Variants in BDKRB2 observed in about 807,000 individuals in gnomAD.
BDKRB2 encodes bradykinin receptor B2, also known as B2 bradykinin receptor.
In BDKRB2, 6 loss-of-function variants were observed where a neutral mutation model predicts 4.0. That is an observed-to-expected ratio of 1.49 (90% CI 0.81 to 2.93). BDKRB2 has a LOEUF of 2.93. BDKRB2 is among the 30% of genes most tolerant of loss of function. The probability of loss-of-function intolerance (pLI) is 0.00; values close to 1 mark genes in which losing one functional copy is unlikely to be tolerated. For missense variants in BDKRB2, 478 were observed against 520.1 expected (o/e 0.92, Z 0.79); for synonymous variants, 225 against 215.3 (o/e 1.05, Z -0.40).
At chr14:96,237,570 G>C in intron 2 of BDKRB2, 1 of 1,122,620 alleles carries the variant, frequency 8.9e-7, no homozygotes, top group Non-Finnish European at 1.1e-6. Context: ...TGGGAGATCA[G>C]AACACCCTAA....
At position 96,240,553 on chromosome 14, in the gene BDKRB2, C is replaced by A; in HGVS notation, c.225C>A (p.Asn75Lys). ...TGTTCGTGCTGGCCACCCTAGAGAA[C>A]ATCTTTGTCCTCAGCGTCTTCTGCC... ...WVLFVLATLENIFVLSVFCLH... is the reference protein window; with the variant it reads ...WVLFVLATLEKIFVLSVFCLH... The change falls in exon 3 of 3, where the codon AAC (asparagine) becomes AAA (lysine). Residue 75 changes from asparagine to lysine, a missense_variant. Physicochemically the swap from Asn to Lys is moderately conservative, Grantham distance 94. Transcript: ENST00000554311. 1 of 1,578,366 alleles carries A rather than the reference C, an allele frequency of 6.3e-7. No homozygotes were observed. Among genetic ancestry groups the A allele is most frequent in the Non-Finnish European group, 8.6e-7 (1 of 1,162,864 alleles).
At position 96,241,439 on chromosome 14, in the gene BDKRB2, CG is replaced by C. The variant is rs1228905081; in HGVS notation, c.1113del (p.Thr372ProfsTer29). The C allele has an allele frequency of 4.4e-6, 7 of 1,595,748 alleles. No individual in the cohort carries two copies. The highest frequency in any genetic ancestry group is 1.7e-5 in the Admixed American group (1 of 58,590). ...IQMENSMGTLRTSISVERQIH... is the reference protein window; with the variant it reads ...IQMENSMGTLXTSISVERQIH... ...GATGGAGAACTCCATGGGCACACTG[CG>C]GACCTCCATCTCCGTGGAACGCCAG... On this transcript the variant is annotated frameshift_variant, in exon 3 of 3. Coordinates refer to ENST00000554311, the MANE Select transcript of BDKRB2 (RefSeq NM_001379692.1). LOFTEE classifies it high-confidence loss of function.
At chr14:96,232,378 C>T (rs574056684) in intron 1 of BDKRB2, among the ~76,000 whole-genome samples, 2 of 152,360 alleles carry the variant, frequency 1.3e-5, no homozygotes, top group Non-Finnish European at 2.9e-5. Flanking sequence ...GGCTGGCTTC[C>T]CGTCCGTAAT....
At chr14:96,220,682 T>A (rs1231323829) in intron 1 of BDKRB2, among the ~76,000 whole-genome samples, 1 of 141,024 alleles carries the variant, frequency 7.1e-6, no homozygotes, top group Non-Finnish European at 1.5e-5. Flanking sequence ...CAGACCTGGC[T>A]GAGGCCTCCG....
rs773432225 is a variant in BDKRB2 at position 96,215,447 on chromosome 14, T to C, written c.-40+10488T>C. On this transcript the variant is annotated intron_variant, in intron 1 of 2. Coordinates refer to ENST00000554311, the MANE Select transcript of BDKRB2 (RefSeq NM_001379692.1). ...TGTGCATAAAGCTTTTCCTGTCCTT[T>C]TGATTATTTTCAAAAATGCCAAACA... Among the ~76,000 whole-genome samples the C allele has an allele frequency of 2.0e-4, 29 of 145,150 alleles. 1 individual carries two copies. The highest frequency in any genetic ancestry group is 4.9e-4 in the Admixed American group (7 of 14,204).
At chr14:96,225,527 A>T (rs1890675477) in intron 1 of BDKRB2, among the ~76,000 whole-genome samples, 1 of 152,068 alleles carries the variant, frequency 6.6e-6, no homozygotes, top group Non-Finnish European at 1.5e-5. Context: ...AGTAAAATGA[A>T]GGAAGGAACG....
At chr14:96,237,875 C>G in intron 2 of BDKRB2, 2 of 1,284,390 alleles carry the variant, frequency 1.6e-6, no homozygotes, top group East Asian at 5.6e-5. Context: ...TGGCTACTGT[C>G]TTGCTGAGAA....
chr14:96,212,705 C>G (rs971657294), intron 1 of BDKRB2, among the ~76,000 whole-genome samples: 5 of 152,132 alleles, frequency 3.3e-5, no homozygotes, highest in Admixed American at 6.5e-5. Context: ...TGGGGGAATG[C>G]CTGGGAAACA....
rs1001529150 is a variant in BDKRB2 at position 96,243,707 on chromosome 14, A to G, written c.*2203A>G. The G allele has an allele frequency of 1.3e-5, 2 of 153,626 alleles. No individual in the cohort carries two copies. Among genetic ancestry groups the G allele is most frequent in the Non-Finnish European group, 2.9e-5 (2 of 69,082 alleles). 9.5% of individuals were successfully genotyped at this position (153,626 alleles called of 1,614,324 possible). On this transcript the variant is annotated 3_prime_UTR_variant, in exon 3 of 3. Transcript: ENST00000554311. The stretch of plus-strand genomic sequence containing the variant: ...AAAAAAGATTCCCTCCTTACCCCCA[A>G]CCCACTCTTTTTTCCCACCACCCAC...
chr14:96,227,555 A>G (rs1268005783), intron 1 of BDKRB2, among the ~76,000 whole-genome samples: 1 of 152,076 alleles, frequency 6.6e-6, no homozygotes, highest in Non-Finnish European at 1.5e-5. Flanking sequence ...ACGTGCACAC[A>G]CAAACACACA....
chr14:96,241,405 A>G lies in BDKRB2; in HGVS notation c.1077A>G (p.Glu359=), dbSNP rs769897852. Residue 359 remains glutamate (E), a synonymous_variant, in exon 3 of 3, where the codon GAA becomes GAG. Coordinates refer to ENST00000554311, the MANE Select transcript of BDKRB2 (RefSeq NM_001379692.1). ...GCCAGAAAGGGGGCTGCAGGTCAGA[A>G]CCCATTCAGATGGAGAACTCCATGG... ...GVCQKGGCRS[E]PIQMENSMGT... 2 of 1,610,764 alleles carry G rather than the reference A, an allele frequency of 1.2e-6. No individual in the cohort carries two copies. The highest frequency in any genetic ancestry group is 2.2e-5 in the East Asian group (1 of 44,880).
At chr14:96,216,983 T>G (rs975980723) in intron 1 of BDKRB2, among the ~76,000 whole-genome samples, 2 of 152,200 alleles carry the variant, frequency 1.3e-5, no homozygotes, top group African/African-American at 2.4e-5. Flanking sequence ...TACATAGCCC[T>G]AGGGCTTAAA....
At chr14:96,218,386 A>G (rs1454483827) in intron 1 of BDKRB2, among the ~76,000 whole-genome samples, 2 of 152,084 alleles carry the variant, frequency 1.3e-5, no homozygotes, top group Non-Finnish European at 2.9e-5. Context: ...CCACATCCCC[A>G]TCCACTTCAT....
chr14:96,240,065 A>G, intron 2 of BDKRB2: 1 of 1,048,614 alleles, frequency 9.5e-7, no homozygotes, highest in Non-Finnish European at 1.1e-6. Flanking sequence ...ATAAGGAAGG[A>G]ATGTGAATCC....
intron 1 of BDKRB2, chr14:96,223,113 A>C: frequency 7.9e-7 from 1 of 1,260,314 alleles, no homozygotes; most frequent in Non-Finnish European, 1.2e-6. Flanking sequence ...CGATCATGTC[A>C]CACAAACAAA....
In BDKRB2 at chr14:96,243,706, A is replaced by AACCCACC. The variant is rs1885364165; in HGVS notation, c.*2208_*2209insCACCCAC. ...AAAAAAAGATTCCCTCCTTACCCCCAACCCACTCTTTTTTCCCACCACCCA... is the reference window on the plus strand; with the variant it reads ...AAAAAAAGATTCCCTCCTTACCCCCAACCCACCACCCACTCTTTTTTCCCACCACCCA... On this transcript the variant is annotated 3_prime_UTR_variant, in exon 3 of 3. Coordinates refer to ENST00000554311, the MANE Select transcript of BDKRB2 (RefSeq NM_001379692.1). 6.5e-6 allele frequency: 1 copy of AACCCACC among 153,634 alleles called. No homozygotes were observed. The highest frequency in any genetic ancestry group is 1.4e-5 in the Non-Finnish European group (1 of 69,050). The allele number at this position is 153,634 out of a possible 1,614,324, so 9.5% of individuals were successfully genotyped here. A position where few individuals can be genotyped will look rare whatever the true frequency, so the allele number is the denominator to read the frequency against.
Position 96,241,246 on chromosome 14 carries a change from C to T in BDKRB2, c.918C>T (p.Asp306=), listed in dbSNP as rs201229928. Residue 306 remains aspartate (D), a synonymous_variant, in exon 3 of 3, where the codon GAC becomes GAT. Transcript: ENST00000554311. ...TCGGCATCCTCTCCAGCTGCCAGGA[C>T]GAGCGCATCATCGATGTAATCACAC... The part of the protein sequence containing the change: ...HRLGILSSCQ[D]ERIIDVITQI... 2.1e-4 allele frequency: 345 copies of T among 1,612,998 alleles called. 1 individual carries two copies. Among genetic ancestry groups the T allele is most frequent in the Non-Finnish European group, 2.6e-4 (302 of 1,179,280 alleles).
In BDKRB2 at chr14:96,243,534, A is replaced by G. The variant is rs1885358000; in HGVS notation, c.*2030A>G. 1 of 152,110 alleles carries G rather than the reference A, an allele frequency of 6.6e-6. No individual in the cohort carries two copies. The highest frequency in any genetic ancestry group is 2.4e-5 in the African/African-American group (1 of 41,260). The allele number at this position is 152,110 out of a possible 1,614,324, so 9.4% of individuals were successfully genotyped here. A position where few individuals can be genotyped will look rare whatever the true frequency, so the allele number is the denominator to read the frequency against. ...CTGTAGAGCTAGAACATGGAGAGCTAGAACCCGGCAGGCTAGAACCTGGCA... is the reference window on the plus strand; with the variant it reads ...CTGTAGAGCTAGAACATGGAGAGCTGGAACCCGGCAGGCTAGAACCTGGCA... On this transcript the variant is annotated 3_prime_UTR_variant, in exon 3 of 3. Coordinates refer to ENST00000554311, the MANE Select transcript of BDKRB2 (RefSeq NM_001379692.1).
At chr14:96,217,490 A>G (rs1490810424) in intron 1 of BDKRB2, among the ~76,000 whole-genome samples, 1 of 152,250 alleles carries the variant, frequency 6.6e-6, no homozygotes, top group Non-Finnish European at 1.5e-5. Context: ...TAATAATAAA[A>G]ATAACCATAG....
Sources: allele counts gnomAD v4.1 joint callset (sites outside exome capture counted in the v4.1 genomes callset), GRCh38; gene constraint gnomAD v4.1.1; transcripts MANE v1.5; gene names NCBI Gene and HGNC (gene_info 2026-07-23, HGNC 2026-07-21).